ESPNL: variants seen among roughly 807,000 people sequenced by gnomAD.
The protein encoded by ESPNL is espin-like protein.
Under a neutral mutation model 46.8 loss-of-function variants are expected in ESPNL, and 49 were observed. That is an observed-to-expected ratio of 1.05 (90% confidence interval 0.83 to 1.33). The LOEUF (loss-of-function observed/expected upper bound fraction) is 1.33. Among genes scored for constraint, ESPNL ranks in the 40% most tolerant of loss-of-function variants. The pLI, the probability that ESPNL is intolerant of heterozygous loss-of-function variation, is 0.00. For missense variants in ESPNL, 1,540 were observed against 1,436.6 expected (o/e 1.07, Z -1.16); for synonymous variants, 664 against 662.1 (o/e 1.00, Z -0.04).
rs5839686 is a variant in ESPNL at position 238,110,949 on chromosome 2, C to CTTTTTTTT, written c.855+2990_855+2997dup. On this transcript the variant is annotated intron_variant, in intron 4 of 8. Transcript: ENST00000343063. ...GTTTCAGTATATCACATTAGTTATTCTTTTTTTTTTTTTTTTTTTTTGAGA... is the reference window on the plus strand; with the variant it reads ...GTTTCAGTATATCACATTAGTTATTCTTTTTTTTTTTTTTTTTTTTTTTTTTTTTGAGA... Among the ~76,000 whole-genome samples the CTTTTTTTT allele has an allele frequency of 3.1e-4, 34 of 110,998 alleles. 1 individual carries two copies. The highest frequency in any genetic ancestry group is 5.3e-4 in the East Asian group (2 of 3,788). 72.8% of individuals were successfully genotyped at this position (110,998 alleles called of 152,430 possible).
At position 238,102,043 on chromosome 2, in the gene ESPNL, G is replaced by A. The variant is rs1032360353; in HGVS notation, c.397G>A (p.Glu133Lys). The A allele has an allele frequency of 6.2e-7, 1 of 1,602,814 alleles. No homozygotes were observed. The highest frequency in any genetic ancestry group is 1.3e-5 in the African/African-American group (1 of 74,718). ...CCACGAGGGCCACTCGGCCACGCTA[G>A]AGACCCGGGAGGGAGCCCGGCCGCT... ...LLHEGHSATL[E>K]TREGARPLHH... The change falls in exon 2 of 9, where the codon GAG (glutamate) becomes AAG (lysine). Residue 133 changes from glutamate to lysine, a missense_variant. By Grantham distance (56) the Glu-to-Lys change is moderately conservative (BLOSUM62 1). Transcript: ENST00000343063.
chr2:238,111,073 C>T (rs183889699), intron 4 of ESPNL, among the ~76,000 whole-genome samples: 51 of 150,022 alleles, frequency 3.4e-4, no homozygotes, highest in East Asian at 1.8e-3. Flanking sequence ...ATTACAGGCA[C>T]GCACCACCAC....
chr2:238,119,551 GGA>G (rs1691938304), intron 5 of ESPNL, among the ~76,000 whole-genome samples: 1 of 126,900 alleles, frequency 7.9e-6, no homozygotes. Flanking sequence ...TGGAGGAGGT[GGA>G]TGAAGGAGGA....
intron 6 of ESPNL, 39 bp downstream of exon 6, chr2:238,125,423 G>C: frequency 4.0e-6 from 5 of 1,252,894 alleles, no homozygotes; most frequent in Non-Finnish European, 5.4e-6. Flanking sequence ...CAGGGCATGG[G>C]CCTGGGAGAG....
At chr2:238,103,200 A>G (rs1437607683) in intron 2 of ESPNL, among the ~76,000 whole-genome samples, 1 of 152,168 alleles carries the variant, frequency 6.6e-6, no homozygotes, top group Non-Finnish European at 1.5e-5. Context: ...GGGCTGGAGG[A>G]TTGCTTGAGC....
In ESPNL at chr2:238,119,457, A is replaced by G. The variant is rs1240563249; in HGVS notation, c.987+2423A>G. Among the ~76,000 whole-genome samples, 64 of 75,620 alleles carry G rather than the reference A, an allele frequency of 8.5e-4. 18 individuals are homozygous for G. The highest frequency in any genetic ancestry group is 3.1e-3 in the East Asian group (5 of 1,626). The allele number at this position is 75,620 out of a possible 152,430, so 49.6% of individuals were successfully genotyped here. A position where few individuals can be genotyped will look rare whatever the true frequency, so the allele number is the denominator to read the frequency against. On this transcript the variant is annotated intron_variant, in intron 5 of 8. Coordinates refer to ENST00000343063, the MANE Select transcript of ESPNL (RefSeq NM_194312.4). ...GAGGGGAGGTGGAGGAGAGGAGGTT[A>G]GATGAAGGAGGAATGGATGGAGGAG...
chr2:238,127,432 C>T, intron 6 of ESPNL, 190 bp from the exon 7 acceptor site: 1 of 1,319,478 alleles, frequency 7.6e-7, no homozygotes. Context: ...CGGGGGCGGG[C>T]CCCACTGACT....
intron 5 of ESPNL, among the ~76,000 whole-genome samples, chr2:238,124,268 G>A (rs1476593315): frequency 2.6e-5 from 4 of 152,216 alleles, no homozygotes; most frequent in Non-Finnish European, 5.9e-5. Flanking sequence ...CCCACTGGAG[G>A]GCAGGGACAA....
chr2:238,119,949 G>A (rs1050338173), intron 5 of ESPNL, among the ~76,000 whole-genome samples: 1 of 152,156 alleles, frequency 6.6e-6, no homozygotes, highest in Non-Finnish European at 1.5e-5. Context: ...TGGCACTGAC[G>A]GAAACCCACA....
intron 4 of ESPNL, among the ~76,000 whole-genome samples, chr2:238,110,856 T>G (rs904469336): frequency 8.5e-5 from 13 of 152,094 alleles, no homozygotes; most frequent in African/African-American, 3.1e-4. Context: ...AAATAAAATG[T>G]CAAAACAATG....
chr2:238,117,952 G>A (rs1325001103), intron 5 of ESPNL, among the ~76,000 whole-genome samples: 1 of 151,842 alleles, frequency 6.6e-6, no homozygotes, highest in Non-Finnish European at 1.5e-5. Flanking sequence ...GGAGGAGGGT[G>A]GATGGAGGGG....
At chr2:238,121,177 C>T (rs1231332254) in intron 5 of ESPNL, among the ~76,000 whole-genome samples, 1 of 152,214 alleles carries the variant, frequency 6.6e-6, no homozygotes, top group African/African-American at 2.4e-5. Context: ...CCAGGGGCTG[C>T]CCTCGAGGCA....
chr2:238,104,630 G>A, intron 2 of ESPNL, 26 bp from the exon 3 acceptor site: 1 of 1,540,436 alleles, frequency 6.5e-7, no homozygotes. Context: ...CAGGGACTGG[G>A]CCTCCAAACC....
chr2:238,117,013 C>A lies in ESPNL; in HGVS notation c.966C>A (p.Tyr322Ter), dbSNP rs1279145839. 6.2e-7 allele frequency: 1 copy of A among 1,611,506 alleles called. No homozygotes were observed. The highest frequency in any genetic ancestry group is 1.3e-5 in the African/African-American group (1 of 74,926). ...EYHGHRDCAQYLREVAQPVPL... is the reference protein window; with the variant it reads ...EYHGHRDCAQ ...ATGGACACCGGGACTGCGCCCAGTA[C>A]CTGCGGGAGGTGGCCCAGCCGGTAA... The change falls in exon 5 of 9, where the codon TAC (tyrosine) becomes TAA (stop). Residue 322 changes from tyrosine (Y) to a stop codon, truncating the protein, a stop_gained. Transcript: ENST00000343063. LOFTEE classifies it high-confidence loss of function.
intron 8 of ESPNL, chr2:238,129,238 G>A: frequency 1.6e-6 from 2 of 1,239,082 alleles, no homozygotes; most frequent in Non-Finnish European, 2.0e-6. Context: ...GCAGGTGCCG[G>A]CAGGTGTGTG....
Position 238,117,774 on chromosome 2 carries a change from T to C in ESPNL, c.987+740T>C, listed in dbSNP as rs374326067. ...AGAAAAGCAGGTGGATGCATGAGGG[T>C]GAGCAGAGGAAGGGATGGATGGGGA... On this transcript the variant is annotated intron_variant, in intron 5 of 8. Coordinates refer to ENST00000343063, the MANE Select transcript of ESPNL (RefSeq NM_194312.4). 5.3e-5 allele frequency among the ~76,000 whole-genome samples: 8 copies of C among 151,898 alleles called. No individual in the cohort carries two copies. The South Asian group carries it at 1.7e-3, about 32-fold the overall frequency.
chr2:238,127,381 C>CTT, intron 6 of ESPNL: 1 of 1,287,064 alleles, frequency 7.8e-7, no homozygotes, highest in South Asian at 2.4e-5. Flanking sequence ...GGGGCCGCGG[C>CTT]GTGGCCCAGC....
intron 6 of ESPNL, among the ~76,000 whole-genome samples, chr2:238,126,392 G>A (rs1025389685): frequency 2.0e-5 from 3 of 149,838 alleles, no homozygotes; most frequent in Non-Finnish European, 4.5e-5. Flanking sequence ...GTGTGTCTCT[G>A]TATGATTATG....
chr2:238,126,909 G>GATCGTGTCTGTGTGTC (rs1559267049), intron 6 of ESPNL, among the ~76,000 whole-genome samples: 3 of 123,294 alleles, frequency 2.4e-5, no homozygotes, highest in East Asian at 2.7e-4. Context: ...GATTGTGTGT[G>GATCGTGTCTGTGTGTC]TATGATCGTG....
Sources: gnomAD v4.1 joint callset for allele counts (sites outside exome capture counted in the v4.1 genomes callset) on GRCh38, gnomAD v4.1.1 for gene constraint, MANE v1.5 for transcripts, NCBI Gene and HGNC (gene_info 2026-07-23, HGNC 2026-07-21) for gene names.